Variants in ZNF469 observed in about 807,000 individuals in gnomAD.
ZNF469 encodes zinc finger protein 469.
In ZNF469, 1 loss-of-function variant was observed where a neutral mutation model predicts 1.0. The ratio of observed to expected loss-of-function variants is 1.00; its 90% CI spans 0.35 to 4.73. The LOEUF (loss-of-function observed/expected upper bound fraction) is 4.73. Among genes scored for constraint, ZNF469 ranks in the 30% most tolerant of loss-of-function variants. ZNF469 has a pLI of 0.16. For missense variants in ZNF469, 6,100 were observed against 5,356.3 expected (o/e 1.14, Z -4.33); for synonymous variants, 2,703 against 2,363.4 (o/e 1.14, Z -4.17).
At chr16:88,119,785 C>T in the ZNF469 span, among the ~76,000 whole-genome samples, 4 of 152,158 alleles carry the variant, frequency 2.6e-5, no homozygotes, top group Non-Finnish European at 5.9e-5. Context: ...TTGCCCAGCT[C>T]CCTGAAGCCT....
the ZNF469 span, among the ~76,000 whole-genome samples, chr16:88,338,015 C>T: frequency 6.6e-6 from 1 of 152,208 alleles, no homozygotes; most frequent in Non-Finnish European, 1.5e-5. Flanking sequence ...TATTTTTCCT[C>T]TGGTTGCTGT....
In ZNF469 at chr16:88,430,327, C is replaced by A; in HGVS notation, c.2857C>A (p.Leu953Met). 1 of 1,515,168 alleles carries A rather than the reference C, an allele frequency of 6.6e-7. No individual in the cohort carries two copies. 93.9% of individuals were successfully genotyped at this position (1,515,168 alleles called of 1,614,324 possible). Residue 953 changes from leucine (L) to methionine (M), a missense_variant, in exon 3 of 3, where the codon CTG becomes ATG. Leu to Met is a conservative substitution (Grantham distance 15). Transcript: ENST00000565624. ...RQQRRGKQLK[L>M]FRKDLDSGGA... ...GCAGAGGAGGGGGAAGCAGTTGAAGCTGTTCCGGAAGGATCTGGACTCGGG... is the reference window on the plus strand; with the variant it reads ...GCAGAGGAGGGGGAAGCAGTTGAAGATGTTCCGGAAGGATCTGGACTCGGG...
At chr16:88,190,891 G>C in the ZNF469 span, among the ~76,000 whole-genome samples, 2 of 152,194 alleles carry the variant, frequency 1.3e-5, no homozygotes, top group Non-Finnish European at 2.9e-5. Context: ...CTCTTCCCAG[G>C]AGTGTCCGGA....
the ZNF469 span, among the ~76,000 whole-genome samples, chr16:88,236,578 AT>A: frequency 7.9e-5 from 12 of 152,316 alleles, no homozygotes; most frequent in African/African-American, 2.9e-4. Context: ...TTAGAGTTTT[AT>A]TTTTGGGCTG....
At chr16:88,184,911 A>T in the ZNF469 span, among the ~76,000 whole-genome samples, 4 of 152,160 alleles carry the variant, frequency 2.6e-5, no homozygotes, top group Non-Finnish European at 5.9e-5. Flanking sequence ...GCACACACTC[A>T]CACAATAGGC....
At chr16:88,131,981 A>G in the ZNF469 span, among the ~76,000 whole-genome samples, 2 of 152,178 alleles carry the variant, frequency 1.3e-5, no homozygotes, top group African/African-American at 4.8e-5. Context: ...GGGGCTGCTG[A>G]AGACAGGGCA....
chr16:88,327,764 G>T, the ZNF469 span, among the ~76,000 whole-genome samples: 1 of 151,782 alleles, frequency 6.6e-6, no homozygotes, highest in Non-Finnish European at 1.5e-5. Context: ...CGCACCACAG[G>T]TGTCATCCGG....
chr16:88,206,640 G>C, the ZNF469 span, among the ~76,000 whole-genome samples: 1 of 151,706 alleles, frequency 6.6e-6, no homozygotes, highest in East Asian at 1.9e-4. Flanking sequence ...GGTTTGTCAC[G>C]ACTCGACTCT....
At chr16:88,310,764 G>A in the ZNF469 span, among the ~76,000 whole-genome samples, 1 of 152,036 alleles carries the variant, frequency 6.6e-6, no homozygotes, top group African/African-American at 2.4e-5. Flanking sequence ...ATTTTTAGTA[G>A]AGACCGGGTT....
rs2092529071 is a variant in ZNF469 at position 88,382,971 on chromosome 16, C to T, written c.-475C>T. 6.6e-6 allele frequency among the ~76,000 whole-genome samples: 1 copy of T among 151,774 alleles called. No homozygotes were observed. The highest frequency in any genetic ancestry group is 1.5e-5 in the Non-Finnish European group (1 of 67,888). Reference sequence around the variant, plus strand: ...GCCTCCGGGGGGCAGACCCCGCGGCCGCCGGCCGGCGTCCGGCCTTCCCAG... The same window carrying T: ...GCCTCCGGGGGGCAGACCCCGCGGCTGCCGGCCGGCGTCCGGCCTTCCCAG... On this transcript the variant is annotated 5_prime_UTR_variant, in exon 1 of 3. Coordinates refer to ENST00000565624, the MANE Select transcript of ZNF469 (RefSeq NM_001367624.2).
chr16:88,430,546 C>G lies in ZNF469; in HGVS notation c.3076C>G (p.Arg1026Gly). 6.8e-7 allele frequency: 1 copy of G among 1,469,750 alleles called. No homozygotes were observed. The highest frequency in any genetic ancestry group is 8.9e-7 in the Non-Finnish European group (1 of 1,117,814). The allele number at this position is 1,469,750 out of a possible 1,614,324, so 91.0% of individuals were successfully genotyped here. Residue 1026 changes from arginine to glycine, a missense_variant, in exon 3 of 3, where the codon CGG (arginine) becomes GGG (glycine). Arg to Gly is a moderately radical substitution (Grantham distance 125). Coordinates refer to ENST00000565624, the MANE Select transcript of ZNF469 (RefSeq NM_001367624.2). Reference sequence around the variant, plus strand: ...CCTCCCCGAGGAGACCCGCAGCTCCCGGCGCCGCCGGCTGCCCCCCAGGAA... The same window carrying G: ...CCTCCCCGAGGAGACCCGCAGCTCCGGGCGCCGCCGGCTGCCCCCCAGGAA... ...AALPEETRSS[R>G]RRRLPPRKDP...
the ZNF469 span, among the ~76,000 whole-genome samples, chr16:88,274,988 A>G: frequency 2.0e-5 from 3 of 152,202 alleles, no homozygotes; most frequent in Non-Finnish European, 4.4e-5. Context: ...TTTAAAAACT[A>G]AAAAGGAGCA....
the ZNF469 span, among the ~76,000 whole-genome samples, chr16:88,270,584 G>A: frequency 3.9e-3 from 589 of 152,346 alleles, 3 homozygotes; most frequent in Non-Finnish European, 6.1e-3. Context: ...TCCGTCTGCA[G>A]CATACAAAAC....
the ZNF469 span, among the ~76,000 whole-genome samples, chr16:88,299,926 C>A: frequency 1.1e-4 from 16 of 152,268 alleles, no homozygotes; most frequent in African/African-American, 3.9e-4. Flanking sequence ...TGTTTGAGGA[C>A]GACCTTTTCT....
the ZNF469 span, among the ~76,000 whole-genome samples, chr16:88,193,159 G>T: frequency 6.6e-4 from 21 of 32,032 alleles, no homozygotes; most frequent in Admixed American, 1.6e-3. Context: ...GGGGATGGTG[G>T]TGATGGTGGT....
At chr16:88,353,366 C>A in the ZNF469 span, among the ~76,000 whole-genome samples, 8 of 152,182 alleles carry the variant, frequency 5.3e-5, no homozygotes, top group Non-Finnish European at 1.0e-4. Flanking sequence ...GACAGTGTCA[C>A]TACTCCCATG....
the ZNF469 span, chr16:88,193,555 A>T: frequency 6.6e-6 from 1 of 152,188 alleles, no homozygotes; most frequent in Non-Finnish European, 1.5e-5. Context: ...TTTTAAAATT[A>T]GCTGGGTGTG....
At chr16:88,390,161 T>C (rs1243205739) in intron 1 of ZNF469, among the ~76,000 whole-genome samples, 1 of 152,198 alleles carries the variant, frequency 6.6e-6, no homozygotes, top group Non-Finnish European at 1.5e-5. Context: ...GACATCCCTG[T>C]GCTCTCCAGG....
the ZNF469 span, among the ~76,000 whole-genome samples, chr16:88,303,854 T>A: frequency 1.3e-5 from 2 of 152,186 alleles, no homozygotes; most frequent in Non-Finnish European, 2.9e-5. Context: ...GAAGGAGATA[T>A]GATGCAAAGC....
Sources: gnomAD v4.1 joint callset for allele counts (sites outside exome capture counted in the v4.1 genomes callset) on GRCh38, gnomAD v4.1.1 for gene constraint, MANE v1.5 for transcripts, NCBI Gene and HGNC (gene_info 2026-07-23, HGNC 2026-07-21) for gene names.